STAC: variants seen among roughly 807,000 people sequenced by gnomAD.
STAC encodes SH3 and cysteine rich domain.
A neutral mutation model predicts 48.8 loss-of-function variants in STAC; 43 were observed. The ratio of observed to expected loss-of-function variants is 0.88; its 90% CI spans 0.69 to 1.14. The LOEUF is 1.14. Ranked by LOEUF, STAC falls within the 50% of genes most tolerant of loss-of-function variation. The pLI is 0.00. For missense variants in STAC, 497 were observed against 504.0 expected, an observed-to-expected ratio of 0.99 and a Z score of 0.13; for synonymous variants, 193 against 179.5, an observed-to-expected ratio of 1.07 and a Z score of -0.60.
At chr3:36,529,569 G>A (rs1044072667) in intron 10 of STAC, among the ~76,000 whole-genome samples, 2 of 152,168 alleles carry the variant, frequency 1.3e-5, no homozygotes, top group African/African-American at 4.8e-5. Flanking sequence ...CATGTTGAAT[G>A]TAGAGTTCTC....
intron 2 of STAC, among the ~76,000 whole-genome samples, chr3:36,472,498 A>G (rs1198020285): frequency 2.0e-5 from 3 of 152,220 alleles, no homozygotes; most frequent in Non-Finnish European, 4.4e-5. Flanking sequence ...GTGCGGCTGC[A>G]CATTTTCTGA....
chr3:36,526,084 G>T (rs1435767950), intron 8 of STAC, among the ~76,000 whole-genome samples: 2 of 152,194 alleles, frequency 1.3e-5, no homozygotes, highest in Admixed American at 6.5e-5. Context: ...TACAGCAAAT[G>T]CAGTTGAATT....
At chr3:36,529,080 C>T in intron 10 of STAC, 95 bp downstream of exon 10, 1 of 1,244,930 alleles carries the variant, frequency 8.0e-7, no homozygotes, top group Non-Finnish European at 1.1e-6. Context: ...TGAGTGGGGT[C>T]ACATTCAAAG....
intron 8 of STAC, among the ~76,000 whole-genome samples, chr3:36,512,985 C>T (rs1698579319): frequency 6.6e-6 from 1 of 152,082 alleles, no homozygotes; most frequent in Non-Finnish European, 1.5e-5. Context: ...GCATTCTTAT[C>T]CACCCACCTT....
At chr3:36,538,329 G>A (rs1247681459) in intron 10 of STAC, among the ~76,000 whole-genome samples, 2 of 152,138 alleles carry the variant, frequency 1.3e-5, no homozygotes, top group African/African-American at 2.4e-5. Flanking sequence ...GGCCTGCAAA[G>A]CCTACAATAT....
Position 36,443,505 on chromosome 3 carries a change from C to A in STAC, c.253C>A (p.Pro85Thr). The change falls in exon 2 of 11, where the codon CCA becomes ACA. Residue 85 changes from proline (P) to threonine (T), a missense_variant. Coordinates refer to ENST00000273183, the MANE Select transcript of STAC (RefSeq NM_003149.3). This position sits in a 1 kb window ranked among gnomAD's most constrained non-coding sequence, Gnocchi z 4.2. ...GGCTGAGATCAGCCCCAGCTCCAGC[C>A]CACTCCCTGCTCCAGGAAGCCTGAC... Reference protein sequence around the residue: ...MVAEISPSSSPLPAPGSLTST... With the variant: ...MVAEISPSSSTLPAPGSLTST... 6.2e-7 allele frequency: 1 copy of A among 1,614,216 alleles called. No individual in the cohort carries two copies. Among genetic ancestry groups the A allele is most frequent in the Non-Finnish European group, 8.5e-7 (1 of 1,180,046 alleles).
intron 1 of STAC, among the ~76,000 whole-genome samples, chr3:36,422,529 C>T: frequency 6.6e-6 from 1 of 151,922 alleles, no homozygotes; most frequent in East Asian, 1.9e-4. Flanking sequence ...AGATGAATGA[C>T]AAACAGAAAA....
intron 8 of STAC, chr3:36,506,073 C>T: frequency 3.0e-6 from 1 of 336,174 alleles, no homozygotes; most frequent in South Asian, 7.2e-5. Context: ...TCCCAGGTGG[C>T]ACTGACAATG....
intron 6 of STAC, among the ~76,000 whole-genome samples, chr3:36,495,873 T>G (rs763664253): frequency 6.6e-6 from 1 of 152,318 alleles, no homozygotes; most frequent in East Asian, 1.9e-4. Context: ...CTGTTAGAAA[T>G]AGCAAGTTTC....
At chr3:36,430,826 C>G (rs1700682422) in intron 1 of STAC, among the ~76,000 whole-genome samples, 1 of 152,194 alleles carries the variant, frequency 6.6e-6, no homozygotes, top group African/African-American at 2.4e-5. Flanking sequence ...GATTTTTCCT[C>G]TGTGTGTCCA....
intron 10 of STAC, 75 bp downstream of exon 10, chr3:36,529,060 T>C: frequency 2.9e-6 from 4 of 1,377,620 alleles, no homozygotes; most frequent in Non-Finnish European, 2.9e-6. Flanking sequence ...ATAATATGTA[T>C]AAATCTGAAT....
chr3:36,473,782 T>C (rs1038918298), intron 2 of STAC, among the ~76,000 whole-genome samples: 5 of 152,252 alleles, frequency 3.3e-5, no homozygotes, highest in African/African-American at 9.6e-5. Flanking sequence ...TTTTTACTTC[T>C]GTATTCCTAC....
intron 2 of STAC, among the ~76,000 whole-genome samples, chr3:36,473,362 T>G (rs1697395675): frequency 6.6e-6 from 1 of 152,128 alleles, no homozygotes; most frequent in Non-Finnish European, 1.5e-5. Context: ...CATACCTGAG[T>G]TAGCTATGTG....
intron 1 of STAC, among the ~76,000 whole-genome samples, chr3:36,407,129 T>G (rs1700101257): frequency 6.6e-6 from 1 of 152,238 alleles, no homozygotes; most frequent in Admixed American, 6.5e-5. Flanking sequence ...ATATGTTCAC[T>G]TAAGTGGGAG....
At chr3:36,481,157 G>A (rs1457198097) in intron 2 of STAC, among the ~76,000 whole-genome samples, 1 of 152,122 alleles carries the variant, frequency 6.6e-6, no homozygotes, top group Admixed American at 6.5e-5. Flanking sequence ...CATGTGTAGA[G>A]AGCTGAGGAA....
intron 3 of STAC, among the ~76,000 whole-genome samples, chr3:36,483,400 A>C (rs533970307): frequency 6.6e-6 from 1 of 152,328 alleles, no homozygotes; most frequent in African/African-American, 2.4e-5. Flanking sequence ...AGGTTTTAAA[A>C]GTGAAAGTCA....
At chr3:36,544,394 T>C (rs1009994750) in intron 10 of STAC, among the ~76,000 whole-genome samples, 1 of 152,126 alleles carries the variant, frequency 6.6e-6, no homozygotes, top group Non-Finnish European at 1.5e-5. Flanking sequence ...GGTCATGAAC[T>C]CCTGACCCCA....
rs541430928 is a variant in STAC, at chr3:36,540,831, C to T, written c.1111-5360C>T. On this transcript the variant is annotated intron_variant, in intron 10 of 10. Transcript: ENST00000273183. ...AAACCAGCCAAGTCCGCTAGACCTA[C>T]AAAACTGTGATATAATAAATGGTGT... Among the ~76,000 whole-genome samples, 282 of 152,266 alleles carry T rather than the reference C, an allele frequency of 1.9e-3. 1 individual carries two copies. The highest frequency in any genetic ancestry group is 3.6e-3 in the Non-Finnish European group (248 of 68,022).
intron 1 of STAC, among the ~76,000 whole-genome samples, chr3:36,388,063 C>T (rs1575168829): frequency 6.6e-6 from 1 of 152,014 alleles, no homozygotes; most frequent in Non-Finnish European, 1.5e-5. Context: ...TGATGTAGAT[C>T]ATGTTTTTAT....
Sources: allele counts gnomAD v4.1 joint callset (sites outside exome capture counted in the v4.1 genomes callset), GRCh38; gene constraint gnomAD v4.1.1; non-coding constraint Gnocchi (gnomAD v3.1); transcripts MANE v1.5; gene names NCBI Gene and HGNC (gene_info 2026-07-23, HGNC 2026-07-21).